Variants in ZNF268 observed in about 807,000 individuals in gnomAD.
ZNF268 encodes zinc finger protein 268.
ZNF268 carries 20 observed loss-of-function variants against 29.3 expected under a neutral mutation model. That is an observed-to-expected ratio of 0.68 (90% CI 0.48 to 0.99). The LOEUF is 0.99. Ranked by LOEUF, ZNF268 falls within the 50% of genes least tolerant of loss-of-function variation. ZNF268 has a pLI of 0.00. For synonymous variants in ZNF268, 429 were observed against 376.9 expected (o/e 1.14, Z -1.60); for missense variants, 1,240 against 1,121.6 (o/e 1.11, Z -1.51).
chr12:133,193,151 C>T (rs957231276), intron 5 of ZNF268, among the ~76,000 whole-genome samples: 7 of 152,062 alleles, frequency 4.6e-5, no homozygotes, highest in African/African-American at 1.7e-4. Context: ...CTTCATTTCC[C>T]TCATATAGTG....
chr12:133,190,103 T>C (rs1018127646), intron 3 of ZNF268, among the ~76,000 whole-genome samples: 13 of 152,216 alleles, frequency 8.5e-5, no homozygotes, highest in East Asian at 1.9e-4. Flanking sequence ...CCATGGCGCC[T>C]GGCCCAAGTT....
chr12:133,210,954 T>G lies in ZNF268; in HGVS notation c.*6424T>G, dbSNP rs887736400. On this transcript the variant is annotated 3_prime_UTR_variant, in exon 6 of 6. Coordinates refer to ENST00000536435, the MANE Select transcript of ZNF268 (RefSeq NM_003415.3). Reference sequence around the variant, plus strand: ...TTTTGTGATGGCCATGTGCCCCCTCTTGCAGTCCCAGTGAACCCCTGAAAT... The same window carrying G: ...TTTTGTGATGGCCATGTGCCCCCTCGTGCAGTCCCAGTGAACCCCTGAAAT... 4.4e-6 allele frequency: 2 copies of G among 455,924 alleles called. No homozygotes were observed. Among genetic ancestry groups the G allele is most frequent in the African/African-American group, 4.0e-5 (2 of 50,040 alleles). The allele number at this position is 455,924 out of a possible 1,614,324, so 28.2% of individuals were successfully genotyped here. A position where few individuals can be genotyped will look rare whatever the true frequency, so the allele number is the denominator to read the frequency against.
chr12:133,196,716 T>C (rs1956607937), intron 5 of ZNF268, among the ~76,000 whole-genome samples: 1 of 152,214 alleles, frequency 6.6e-6, no homozygotes, highest in Admixed American at 6.5e-5. Context: ...CAGTTTTTAC[T>C]ATAGGACCAT....
At chr12:133,191,877 T>C (rs1956483798) in intron 4 of ZNF268, 31 bp from the exon 5 acceptor site, 2 of 1,603,502 alleles carry the variant, frequency 1.2e-6, no homozygotes, top group Admixed American at 1.7e-5. Context: ...AGCTGTTTGT[T>C]CCAGGTTGTC....
chr12:133,212,369 A>G lies in ZNF268; in HGVS notation c.*7839A>G, dbSNP rs1277194085. On this transcript the variant is annotated 3_prime_UTR_variant, in exon 6 of 6. Transcript: ENST00000536435. ...GAACAAAAAGGCCACTTATCACTCC[A>G]GGAGAGCAGGGTGTTCTTTCATCAC... 6.6e-6 allele frequency: 1 copy of G among 150,804 alleles called. No individual in the cohort carries two copies. The highest frequency in any genetic ancestry group is 1.5e-5 in the Non-Finnish European group (1 of 67,796). The allele number at this position is 150,804 out of a possible 1,614,324, so 9.3% of individuals were successfully genotyped here.
rs754397096 is a variant in ZNF268, at chr12:133,181,790, G to A, written c.-53+104G>A. 3.3e-6 allele frequency: 2 copies of A among 600,208 alleles called. 1 individual carries two copies. 37.2% of individuals were successfully genotyped at this position (600,208 alleles called of 1,614,324 possible). ...GGGCGGTTGCCTGACCCTAACCTGT[G>A]TGTTGGTGAGGGTGTGGAGATGGTG... On this transcript the variant is annotated intron_variant, in intron 1 of 5. Transcript: ENST00000536435.
At position 133,203,674 on chromosome 12, in the gene ZNF268, C is replaced by G. The variant is rs1956816628; in HGVS notation, c.1988C>G (p.Thr663Ser). ...SQLIVHKGVH[T>S]GVKPYGCSQC... ...CTCATTGTACATAAAGGAGTGCACACTGGAGTAAAACCCTATGGATGCAGT... is the reference window on the plus strand; with the variant it reads ...CTCATTGTACATAAAGGAGTGCACAGTGGAGTAAAACCCTATGGATGCAGT... The change falls in exon 6 of 6, where the codon ACT becomes AGT. Residue 663 changes from threonine (T) to serine (S), a missense_variant. By Grantham distance (58) the Thr-to-Ser change is moderately conservative (BLOSUM62 1). Transcript: ENST00000536435. The G allele has an allele frequency of 6.5e-7, 1 of 1,549,972 alleles. No individual in the cohort carries two copies.
At position 133,204,456 on chromosome 12, in the gene ZNF268, G is replaced by C; in HGVS notation, c.2770G>C (p.Glu924Gln). 1.3e-6 allele frequency: 2 copies of C among 1,556,212 alleles called. No individual in the cohort carries two copies. Among genetic ancestry groups the C allele is most frequent in the Middle Eastern group, 1.7e-4 (1 of 6,000 alleles). The change falls in exon 6 of 6, where the codon GAA becomes CAA. Residue 924 changes from glutamate (E) to glutamine (Q), a missense_variant. Transcript: ENST00000536435. ...AGGAGAGAAGCCTTGTAAGTGCACT[G>C]AATGTGGGAAAGCCTTTTGTTGGAA... Reference protein sequence around the residue: ...HTGEKPCKCTECGKAFCWKSQ... With the variant: ...HTGEKPCKCTQCGKAFCWKSQ...
chr12:133,181,707 C>G (rs1251432604), intron 1 of ZNF268, 21 bp downstream of exon 1: 10 of 408,568 alleles, frequency 2.4e-5, no homozygotes, highest in Admixed American at 3.8e-5. Context: ...CCTCCGGTTT[C>G]AAGGCGGCGG....
At chr12:133,188,377 A>G (rs1956377694) in intron 3 of ZNF268, among the ~76,000 whole-genome samples, 1 of 151,790 alleles carries the variant, frequency 6.6e-6, no homozygotes, top group African/African-American at 2.4e-5. Context: ...TTTTATTTTT[A>G]GTAGAGAGGA....
Position 133,209,951 on chromosome 12 carries a change from T to C in ZNF268, c.*5421T>C, listed in dbSNP as rs1242755472. ...TTTTGTCGCAGTGTTTCTCCCTTTT[T>C]TTGTACTGGGATTTCTCCCCAGAAA... On this transcript the variant is annotated 3_prime_UTR_variant, in exon 6 of 6. Transcript: ENST00000536435. 1.3e-5 allele frequency: 2 copies of C among 152,272 alleles called. No homozygotes were observed. The highest frequency in any genetic ancestry group is 4.8e-5 in the African/African-American group (2 of 41,464). 9.4% of individuals were successfully genotyped at this position (152,272 alleles called of 1,614,324 possible).
chr12:133,189,792 T>G (rs144408736), intron 3 of ZNF268, among the ~76,000 whole-genome samples: 1 of 152,304 alleles, frequency 6.6e-6, no homozygotes, highest in African/African-American at 2.4e-5. Flanking sequence ...AATAGATATG[T>G]AATAATTAAG....
At chr12:133,188,179 C>T in intron 3 of ZNF268, 107 bp downstream of exon 3, 3 of 1,057,586 alleles carry the variant, frequency 2.8e-6, no homozygotes, top group South Asian at 1.7e-5. Context: ...TTAATCACTC[C>T]TCAGTTCAGT....
chr12:133,192,064 T>C, intron 5 of ZNF268, 61 bp downstream of exon 5: 2 of 1,393,750 alleles, frequency 1.4e-6, no homozygotes, highest in East Asian at 2.3e-5. Context: ...TCCAATGTGA[T>C]GTGCTCCTCT....
At position 133,191,596 on chromosome 12, in the gene ZNF268, T is replaced by C; in HGVS notation, c.342T>C (p.Tyr114=). 5 of 1,614,078 alleles carry C rather than the reference T, an allele frequency of 3.1e-6. No homozygotes were observed. Among genetic ancestry groups the C allele is most frequent in the Non-Finnish European group, 4.2e-6 (5 of 1,179,992 alleles). Residue 114 remains tyrosine, a synonymous_variant, in exon 4 of 6, where the codon TAT becomes TAC. Transcript: ENST00000536435. ...ACAGGAGTGTGATGTTGGAGAACTATAGCAACCTGGTGTCCCTAGGTAAGT... is the reference window on the plus strand; with the variant it reads ...ACAGGAGTGTGATGTTGGAGAACTACAGCAACCTGGTGTCCCTAGGTAAGT... The part of the protein sequence containing the change: ...CLYRSVMLEN[Y]SNLVSLGYQH...
chr12:133,202,853 G>A lies in ZNF268; in HGVS notation c.1167G>A (p.Val389=), dbSNP rs1417967122. The A allele has an allele frequency of 6.3e-7, 1 of 1,581,508 alleles. No individual in the cohort carries two copies. The part of the protein sequence containing the change: ...QKTHSGQKPY[V]CNECGKAFGL... ...CTCATTCAGGACAGAAACCATATGTGTGTAATGAATGTGGGAAAGCTTTTG... is the reference window on the plus strand; with the variant it reads ...CTCATTCAGGACAGAAACCATATGTATGTAATGAATGTGGGAAAGCTTTTG... Residue 389 remains valine (V), a synonymous_variant, in exon 6 of 6, where the codon GTG becomes GTA. Coordinates refer to ENST00000536435, the MANE Select transcript of ZNF268 (RefSeq NM_003415.3).
At chr12:133,191,713 G>A in intron 4 of ZNF268, 98 bp downstream of exon 4, 1 of 1,555,386 alleles carries the variant, frequency 6.4e-7, no homozygotes, top group Non-Finnish European at 8.8e-7. Flanking sequence ...TAGTGATTTT[G>A]GACTTAGATT....
At position 133,210,717 on chromosome 12, in the gene ZNF268, G is replaced by C. The variant is rs1171201950; in HGVS notation, c.*6187G>C. ...GATTCCCCCCTGCCAAGGGTCCCCA[G>C]GTCAGTCCTGAGGAGAAGGCAGCTC... On this transcript the variant is annotated 3_prime_UTR_variant, in exon 6 of 6. Transcript: ENST00000536435. 1 of 410,594 alleles carries C rather than the reference G, an allele frequency of 2.4e-6. No homozygotes were observed. The highest frequency in any genetic ancestry group is 1.7e-5 in the South Asian group (1 of 58,524). 25.4% of individuals were successfully genotyped at this position (410,594 alleles called of 1,614,324 possible). A position where few individuals can be genotyped will look rare whatever the true frequency, so the allele number is the denominator to read the frequency against.
chr12:133,184,596 G>T (rs1173000453), intron 2 of ZNF268: 3 of 360,152 alleles, frequency 8.3e-6, no homozygotes, highest in African/African-American at 4.3e-5. Flanking sequence ...CTATTAAAAG[G>T]CCGCACCTCT....
Sources: gnomAD v4.1 joint callset for allele counts (sites outside exome capture counted in the v4.1 genomes callset) on GRCh38, gnomAD v4.1.1 for gene constraint, MANE v1.5 for transcripts, NCBI Gene and HGNC (gene_info 2026-07-23, HGNC 2026-07-21) for gene names.